Variants in PTPRD observed in about 807,000 individuals in gnomAD.
PTPRD encodes receptor-type tyrosine-protein phosphatase delta.
In PTPRD, 34 loss-of-function variants were observed where a neutral mutation model predicts 214.5. The ratio of observed to expected loss-of-function variants is 0.16; its 90% CI spans 0.12 to 0.21. The LOEUF is 0.21. PTPRD is among the 10% of genes least tolerant of loss of function. The pLI is 1.00. For synonymous variants in PTPRD, 1,128 were observed against 845.7 expected (o/e 1.33, Z -5.79); for missense variants, 2,545 against 2,398.7 (o/e 1.06, Z -1.27).
At chr9:9,238,398 AG>A (rs557412760) in intron 9 of PTPRD, among the ~76,000 whole-genome samples, 1,638 of 152,266 alleles carry the variant, frequency 0.011, 15 homozygotes, top group Non-Finnish European at 0.016. Context: ...TTATTGCTGC[AG>A]GGGATACAGA....
intron 5 of PTPRD, among the ~76,000 whole-genome samples, chr9:9,788,684 G>T (rs1410571369): frequency 1.3e-5 from 2 of 152,020 alleles, no homozygotes; most frequent in Non-Finnish European, 2.9e-5. Flanking sequence ...ATGTTTAAAG[G>T]GGGAGAAGTA....
chr9:9,515,805 T>A (rs1286514894), intron 8 of PTPRD, among the ~76,000 whole-genome samples: 1 of 152,060 alleles, frequency 6.6e-6, no homozygotes, highest in Non-Finnish European at 1.5e-5. Flanking sequence ...CTTTTTTCCT[T>A]TCTGTAGATT....
intron 14 of PTPRD, among the ~76,000 whole-genome samples, chr9:8,557,745 T>TTTA (rs2084473722): frequency 4.3e-5 from 2 of 46,780 alleles, no homozygotes; most frequent in East Asian, 6.2e-4. Flanking sequence ...TGTCTCTCAA[T>TTTA]AAAAAAAAAA....
chr9:9,610,844 G>C (rs183992413), intron 7 of PTPRD, among the ~76,000 whole-genome samples: 18 of 152,164 alleles, frequency 1.2e-4, no homozygotes, highest in Admixed American at 1.1e-3. Flanking sequence ...ATATTTATTA[G>C]TAAAAGTTTT....
At chr9:8,368,622 T>C (rs895484039) in intron 39 of PTPRD, among the ~76,000 whole-genome samples, 1 of 152,064 alleles carries the variant, frequency 6.6e-6, no homozygotes, top group Admixed American at 6.6e-5. Context: ...AACTTCTCCA[T>C]TTTGAGTTTT....
chr9:9,524,204 G>C (rs553346273), intron 8 of PTPRD, among the ~76,000 whole-genome samples: 105 of 152,100 alleles, frequency 6.9e-4, no homozygotes, highest in South Asian at 1.2e-3. Flanking sequence ...GAGCCCTTGG[G>C]TACAGCTGTG....
At chr9:8,895,773 A>C (rs1294664700) in intron 11 of PTPRD, among the ~76,000 whole-genome samples, 2 of 152,222 alleles carry the variant, frequency 1.3e-5, no homozygotes, top group Non-Finnish European at 2.9e-5. Context: ...TACTGTGTAA[A>C]GACAGGTAGG....
chr9:8,831,922 G>A (rs553267493), intron 11 of PTPRD, among the ~76,000 whole-genome samples: 1 of 151,962 alleles, frequency 6.6e-6, no homozygotes, highest in South Asian at 2.1e-4. Context: ...TTTTTTGACA[G>A]TTGGAAATGG....
At chr9:10,364,805 T>C (rs765125826) in intron 2 of PTPRD, among the ~76,000 whole-genome samples, 5 of 152,204 alleles carry the variant, frequency 3.3e-5, no homozygotes, top group South Asian at 2.1e-4. Context: ...ATCTATTATC[T>C]CTATTACCAT....
chr9:9,717,338 T>A (rs1482176325), intron 7 of PTPRD, among the ~76,000 whole-genome samples: 1 of 152,212 alleles, frequency 6.6e-6, no homozygotes, highest in Non-Finnish European at 1.5e-5. Flanking sequence ...ATGCGGGCTC[T>A]TTTTTGGTTC....
rs117126044 is a variant in PTPRD, at chr9:9,980,731, G to T, written c.-471-42121C>A. On this transcript the variant is annotated intron_variant, in intron 4 of 45. Transcript: ENST00000381196. ...GATACAGAAAAAAAAATTAACACTG[G>T]ATTACAGAACATACAAAGAATTCTC... 4.6e-3 allele frequency among the ~76,000 whole-genome samples: 690 copies of T among 149,986 alleles called. 18 individuals carry two copies. The East Asian group carries it at 0.057, about 12-fold the overall frequency.
At chr9:10,339,798 T>C (rs2096906489) in intron 3 of PTPRD, among the ~76,000 whole-genome samples, 1 of 151,696 alleles carries the variant, frequency 6.6e-6, no homozygotes, top group Non-Finnish European at 1.5e-5. Flanking sequence ...ATGTACAGAT[T>C]AGAACCAACA....
At chr9:8,557,962 C>G (rs1484446543) in intron 14 of PTPRD, among the ~76,000 whole-genome samples, 1 of 151,526 alleles carries the variant, frequency 6.6e-6, no homozygotes, top group Non-Finnish European at 1.5e-5. Flanking sequence ...TTTAAGCCAC[C>G]ACTATAAATT....
In PTPRD at chr9:10,106,347, T is replaced by C. The variant is rs1467947251; in HGVS notation, c.-544-72557A>G. ...TTGGCCTGCAGAAAGTCTATCAATT[T>C]AATAATTTATTCATTACAGGCTGAG... On this transcript the variant is annotated intron_variant, in intron 3 of 45. Transcript: ENST00000381196. Among the ~76,000 whole-genome samples, 3 of 151,984 alleles carry C rather than the reference T, an allele frequency of 2.0e-5. No individual in the cohort carries two copies. The East Asian group carries it at 5.8e-4, about 29-fold the overall frequency.
At chr9:9,911,709 A>G (rs1199540096) in intron 5 of PTPRD, among the ~76,000 whole-genome samples, 1 of 152,130 alleles carries the variant, frequency 6.6e-6, no homozygotes, top group African/African-American at 2.4e-5. Flanking sequence ...GGGCTAAATA[A>G]CAGTAGGATA....
At chr9:8,844,786 A>G (rs966199337) in intron 11 of PTPRD, among the ~76,000 whole-genome samples, 1 of 152,232 alleles carries the variant, frequency 6.6e-6, no homozygotes, top group Non-Finnish European at 1.5e-5. Context: ...TGTGGAGCAA[A>G]GTGAAGTGTG....
At chr9:8,548,247 G>T (rs1400360610) in intron 14 of PTPRD, among the ~76,000 whole-genome samples, 1 of 152,158 alleles carries the variant, frequency 6.6e-6, no homozygotes, top group Non-Finnish European at 1.5e-5. Flanking sequence ...TGCGGACAGG[G>T]GTAGGAAGAC....
chr9:8,561,056 G>C (rs1034349715), intron 14 of PTPRD, among the ~76,000 whole-genome samples: 3 of 152,056 alleles, frequency 2.0e-5, no homozygotes, highest in African/African-American at 4.8e-5. Flanking sequence ...AAGCCTGAAA[G>C]CCAAGCTAAA....
chr9:9,887,229 C>T (rs557708072), intron 5 of PTPRD, among the ~76,000 whole-genome samples: 76 of 152,088 alleles, frequency 5.0e-4, no homozygotes, highest in Admixed American at 1.6e-3. Flanking sequence ...TTCACTTCAC[C>T]GTATTTACCT....
Sources: allele counts gnomAD v4.1 joint callset (sites outside exome capture counted in the v4.1 genomes callset), GRCh38; gene constraint gnomAD v4.1.1; transcripts MANE v1.5; gene names NCBI Gene and HGNC (gene_info 2026-07-23, HGNC 2026-07-21).